MEMO1: variants seen among roughly 807,000 people sequenced by gnomAD.
MEMO1 encodes protein MEMO1.
A neutral mutation model predicts 45.2 loss-of-function variants in MEMO1; 6 were observed. The observed-to-expected ratio is 0.13, with a 90% confidence interval of 0.07 to 0.26. The LOEUF is 0.26. Ranked by LOEUF, MEMO1 falls within the 10% of genes least tolerant of loss-of-function variation. MEMO1 has a pLI of 1.00. For synonymous variants in MEMO1, 78 were observed against 124.3 expected (o/e 0.63, Z 2.48); for missense variants, 184 against 370.5 (o/e 0.50, Z 4.13).
chr2:31,948,263 C>T (rs182867543), intron 2 of MEMO1, among the ~76,000 whole-genome samples: 1 of 152,192 alleles, frequency 6.6e-6, no homozygotes, highest in African/African-American at 2.4e-5. Flanking sequence ...CATTTCTCCA[C>T]AAGGGAGCCT....
intron 3 of MEMO1, 62 bp downstream of exon 3, chr2:31,943,240 G>A (rs1442666611): frequency 2.4e-6 from 3 of 1,255,010 alleles, no homozygotes; most frequent in South Asian, 1.2e-5. Flanking sequence ...ACTTCAGCCT[G>A]GGCGACACAG....
intron 8 of MEMO1, among the ~76,000 whole-genome samples, chr2:31,872,626 G>C (rs1386611623): frequency 6.6e-6 from 1 of 151,940 alleles, no homozygotes; most frequent in Non-Finnish European, 1.5e-5. Flanking sequence ...ATACTACTAA[G>C]TAAAGAGTTA....
chr2:31,883,020 C>T, intron 8 of MEMO1, among the ~76,000 whole-genome samples: 1 of 152,018 alleles, frequency 6.6e-6, no homozygotes, highest in East Asian at 1.9e-4. Flanking sequence ...TTCAGGTAGT[C>T]GTGAAACAAA....
intron 3 of MEMO1, among the ~76,000 whole-genome samples, chr2:31,937,961 T>C (rs1474748703): frequency 2.0e-5 from 3 of 152,240 alleles, no homozygotes; most frequent in Non-Finnish European, 4.4e-5. Flanking sequence ...GGAAGTCATG[T>C]AGAAAGGCAT....
chr2:31,951,673 T>C (rs1666866833), intron 2 of MEMO1, among the ~76,000 whole-genome samples: 1 of 151,982 alleles, frequency 6.6e-6, no homozygotes, highest in Non-Finnish European at 1.5e-5. Flanking sequence ...GCTGGGATTA[T>C]AGGTGCCTGC....
chr2:31,897,493 G>C (rs1027941814), intron 6 of MEMO1, among the ~76,000 whole-genome samples: 2 of 152,128 alleles, frequency 1.3e-5, no homozygotes, highest in African/African-American at 2.4e-5. Flanking sequence ...TTTTGTCATT[G>C]GTTCTATTTA....
chr2:31,936,977 T>C (rs2148286399), intron 3 of MEMO1, among the ~76,000 whole-genome samples: 1 of 152,330 alleles, frequency 6.6e-6, no homozygotes, highest in East Asian at 1.9e-4. Flanking sequence ...CAAGATCTAC[T>C]TAAGCTAAGG....
chr2:31,951,520 T>C (rs1666845418), intron 2 of MEMO1, among the ~76,000 whole-genome samples: 1 of 151,712 alleles, frequency 6.6e-6, no homozygotes, highest in Non-Finnish European at 1.5e-5. Context: ...CTTAATGGTT[T>C]TTTTTTTTTT....
At chr2:31,986,191 G>A (rs555929242) in intron 2 of MEMO1, among the ~76,000 whole-genome samples, 4 of 152,028 alleles carry the variant, frequency 2.6e-5, no homozygotes, top group Non-Finnish European at 4.4e-5. Flanking sequence ...TCAGGTGGTC[G>A]AGACCATCCT....
At position 31,981,039 on chromosome 2, in the gene MEMO1, C is replaced by T. The variant is rs570381440; in HGVS notation, c.61+29148G>A. Among the ~76,000 whole-genome samples, 8 of 152,348 alleles carry T rather than the reference C, an allele frequency of 5.3e-5. No homozygotes were observed. The South Asian group carries it at 1.4e-3, about 28-fold the overall frequency. On this transcript the variant is annotated intron_variant, in intron 2 of 9. Coordinates refer to ENST00000404530, the MANE Select transcript of MEMO1 (RefSeq NM_001301833.4). ...CACACAGTTTAAATAGTCAATCGTA[C>T]ACCAATTCAGAAGAAACTGACCTTG...
intron 2 of MEMO1, among the ~76,000 whole-genome samples, chr2:31,945,292 T>C (rs1662996852): frequency 6.6e-6 from 1 of 152,244 alleles, no homozygotes; most frequent in African/African-American, 2.4e-5. Context: ...TACTTACAAA[T>C]ACTTTAGTTG....
chr2:31,943,594 G>T (rs940968313), intron 2 of MEMO1, among the ~76,000 whole-genome samples: 1 of 152,132 alleles, frequency 6.6e-6, no homozygotes, highest in African/African-American at 2.4e-5. Context: ...AACAAAATTT[G>T]CTTTTATCGA....
intron 2 of MEMO1, among the ~76,000 whole-genome samples, chr2:32,003,590 T>C (rs1031575494): frequency 6.6e-6 from 1 of 152,176 alleles, no homozygotes; most frequent in Non-Finnish European, 1.5e-5. Context: ...ACAGCATACA[T>C]ATGCTCAAAT....
chr2:32,001,179 C>T (rs1234414751), intron 2 of MEMO1, among the ~76,000 whole-genome samples: 1 of 151,832 alleles, frequency 6.6e-6, no homozygotes. Context: ...GCTGGGACTA[C>T]AGGAGCCCGC....
chr2:31,927,245 A>T (rs529263890), intron 4 of MEMO1, among the ~76,000 whole-genome samples: 1 of 152,246 alleles, frequency 6.6e-6, no homozygotes, highest in Non-Finnish European at 1.5e-5. Context: ...ACTTGAATCC[A>T]GGAGGTGGAG....
At chr2:31,956,350 A>T (rs1399154128) in intron 2 of MEMO1, among the ~76,000 whole-genome samples, 1 of 152,204 alleles carries the variant, frequency 6.6e-6, no homozygotes, top group Non-Finnish European at 1.5e-5. Flanking sequence ...GAAAAAAAAA[A>T]AAAGGAGTTT....
intron 4 of MEMO1, among the ~76,000 whole-genome samples, chr2:31,921,234 A>T (rs1477619438): frequency 6.6e-6 from 1 of 152,192 alleles, no homozygotes; most frequent in Non-Finnish European, 1.5e-5. Flanking sequence ...CAGAGATATG[A>T]TCATGTCAGA....
intron 2 of MEMO1, among the ~76,000 whole-genome samples, chr2:31,980,339 A>G (rs1247113598): frequency 6.6e-6 from 1 of 152,202 alleles, no homozygotes; most frequent in East Asian, 1.9e-4. Context: ...AGGCCAAGAC[A>G]GGAGGACTGC....
chr2:32,008,085 C>T (rs1442534472), intron 2 of MEMO1, among the ~76,000 whole-genome samples: 1 of 152,178 alleles, frequency 6.6e-6, no homozygotes, highest in Non-Finnish European at 1.5e-5. Flanking sequence ...GAATAGTCCT[C>T]TTTAGTTCAC....
Sources: gnomAD v4.1 joint callset for allele counts (sites outside exome capture counted in the v4.1 genomes callset) on GRCh38, gnomAD v4.1.1 for gene constraint, MANE v1.5 for transcripts, NCBI Gene and HGNC (gene_info 2026-07-23, HGNC 2026-07-21) for gene names.